GRIA1: variants seen among roughly 807,000 people sequenced by gnomAD.
GRIA1 encodes glutamate ionotropic receptor AMPA type subunit 1, also known as glutamate receptor 1.
GRIA1 carries 31 observed loss-of-function variants against 99.2 expected under a neutral mutation model. The observed-to-expected ratio is 0.31, with a 90% CI of 0.23 to 0.42. GRIA1 has a LOEUF of 0.42. Ranked by LOEUF, GRIA1 falls within the 10% of genes least tolerant of loss-of-function variation. The probability of loss-of-function intolerance (pLI) is 1.00; values close to 1 mark genes in which losing one functional copy is unlikely to be tolerated. For missense variants in GRIA1, 782 were observed against 1,157.5 expected, an observed-to-expected ratio of 0.68 and a Z score of 4.71; for synonymous variants, 438 against 432.4, an observed-to-expected ratio of 1.01 and a Z score of -0.16.
chr5:153,507,014 T>C (rs1001589997), intron 2 of GRIA1, among the ~76,000 whole-genome samples: 1 of 152,100 alleles, frequency 6.6e-6, no homozygotes, highest in Non-Finnish European at 1.5e-5. Context: ...TCTCAGCTAC[T>C]TGGGAGGCTG....
At chr5:153,709,285 T>C (rs1490095596) in intron 11 of GRIA1, among the ~76,000 whole-genome samples, 1 of 152,220 alleles carries the variant, frequency 6.6e-6, no homozygotes, top group African/African-American at 2.4e-5. Context: ...TCCTTCCAAA[T>C]GAGCTTCAAT....
upstream of GRIA1, chr5:153,489,832 C>CT (rs1345188826): frequency 2.2e-6 from 1 of 456,552 alleles, no homozygotes; most frequent in African/African-American, 2.0e-5. Flanking sequence ...CATGTAATTG[C>CT]TCTGTGTAAG....
intron 11 of GRIA1, among the ~76,000 whole-genome samples, chr5:153,762,821 A>G (rs1212053075): frequency 6.6e-6 from 1 of 152,202 alleles, no homozygotes; most frequent in Non-Finnish European, 1.5e-5. Flanking sequence ...TCAATGTTGC[A>G]CACCCTACCT....
At chr5:153,757,278 C>A (rs1470311046) in intron 11 of GRIA1, among the ~76,000 whole-genome samples, 1 of 151,772 alleles carries the variant, frequency 6.6e-6, no homozygotes, top group African/African-American at 2.4e-5. Context: ...TGAAATAGAA[C>A]AAAGAAAGCT....
chr5:153,680,152 G>T (rs750353643), intron 7 of GRIA1, among the ~76,000 whole-genome samples: 1 of 152,090 alleles, frequency 6.6e-6, no homozygotes, highest in East Asian at 1.9e-4. Context: ...TCAAGGGCAC[G>T]GCCAAACAGG....
chr5:153,792,333 T>A (rs1765350301), intron 13 of GRIA1, among the ~76,000 whole-genome samples: 1 of 152,222 alleles, frequency 6.6e-6, no homozygotes, highest in Non-Finnish European at 1.5e-5. Flanking sequence ...ATTATTTGCC[T>A]GAGTGGAACA....
intron 8 of GRIA1, 85 bp from the exon 9 acceptor site, chr5:153,697,959 C>CT (rs1758234050): frequency 1.6e-6 from 1 of 633,934 alleles, no homozygotes; most frequent in South Asian, 2.1e-5. Context: ...ACTTGCCTGT[C>CT]TCTGGTATTG....
Position 153,647,165 on chromosome 5 carries a change from G to A in GRIA1, c.458G>A (p.Arg153Gln), listed in dbSNP as rs770604772. ...QKFVYIYDAD[R>Q]GLSVLQKVLD... ...TTTGTCTACATTTATGATGCCGACC[G>A]GGGTAAGCCAAGGGTTAGGGGAGGG... The change falls in exon 3 of 16, where the codon CGG (arginine) becomes CAG (glutamine). Residue 153 changes from arginine to glutamine, a missense_variant and splice_region_variant. Arg to Gln is a conservative substitution (Grantham distance 43, BLOSUM62 1). Around this residue, in one of 5 missense-constraint regions of GRIA1, gnomAD observed 461 missense variants for 521.7 expected, o/e 0.88. Coordinates refer to ENST00000285900, the MANE Select transcript of GRIA1 (RefSeq NM_000827.4). 1.6e-5 allele frequency: 26 copies of A among 1,613,556 alleles called. No individual in the cohort carries two copies. Among genetic ancestry groups the A allele is most frequent in the Admixed American group, 5.0e-5 (3 of 59,958 alleles).
intron 15 of GRIA1, among the ~76,000 whole-genome samples, 190 bp from the exon 16 acceptor site, chr5:153,810,835 G>A (rs1295561942): frequency 6.6e-6 from 1 of 152,160 alleles, no homozygotes; most frequent in African/African-American, 2.4e-5. Context: ...CTAAGAGAGG[G>A]GATCAGACAT....
At position 153,546,606 on chromosome 5, in the gene GRIA1, G is replaced by A. The variant is rs754591561; in HGVS notation, c.220+52541G>A. On this transcript the variant is annotated intron_variant, in intron 2 of 15. Coordinates refer to ENST00000285900, the MANE Select transcript of GRIA1 (RefSeq NM_000827.4). ...GTCATGGGAAGCAGGTATGGGGAACGTCTTACAGATGAAGAAATTGAGAGT... is the reference window on the plus strand; with the variant it reads ...GTCATGGGAAGCAGGTATGGGGAACATCTTACAGATGAAGAAATTGAGAGT... Among the ~76,000 whole-genome samples the A allele has an allele frequency of 2.0e-5, 3 of 152,132 alleles. No homozygotes were observed. In the East Asian group the frequency reaches 5.8e-4, roughly 29 times the overall value.
intron 11 of GRIA1, among the ~76,000 whole-genome samples, chr5:153,720,420 G>A (rs1437726678): frequency 6.6e-6 from 1 of 152,158 alleles, no homozygotes; most frequent in Non-Finnish European, 1.5e-5. Flanking sequence ...AACCCTTCAA[G>A]AGATCTGAAC....
intron 2 of GRIA1, among the ~76,000 whole-genome samples, chr5:153,603,480 A>T (rs755480009): frequency 5.3e-5 from 8 of 152,092 alleles, no homozygotes; most frequent in African/African-American, 1.2e-4. Context: ...CTAGTTCTAG[A>T]TCCCTGAGGA....
intron 11 of GRIA1, among the ~76,000 whole-genome samples, chr5:153,756,177 C>T (rs1279814036): frequency 1.3e-5 from 2 of 152,232 alleles, no homozygotes; most frequent in Non-Finnish European, 2.9e-5. Context: ...CCTCACAGAC[C>T]AGGAATTGCC....
intron 12 of GRIA1, among the ~76,000 whole-genome samples, chr5:153,768,844 T>C (rs2149614939): frequency 1.3e-5 from 2 of 152,358 alleles, no homozygotes; most frequent in Middle Eastern, 6.8e-3. Context: ...GTCCGTTACA[T>C]GTATTTAACA....
chr5:153,752,470 A>G (rs1380357894), intron 11 of GRIA1, among the ~76,000 whole-genome samples: 1 of 152,224 alleles, frequency 6.6e-6, no homozygotes, highest in Non-Finnish European at 1.5e-5. Context: ...CAAGATGATG[A>G]TGATGGCTTA....
At chr5:153,795,518 C>T (rs1480933349) in intron 14 of GRIA1, 19 of 1,612,598 alleles carry the variant, frequency 1.2e-5, no homozygotes, top group Middle Eastern at 1.7e-4. Context: ...GTGAGCAAGG[C>T]GTCTTAGACA....
At chr5:153,582,209 G>A (rs564772536) in intron 2 of GRIA1, among the ~76,000 whole-genome samples, 1 of 152,354 alleles carries the variant, frequency 6.6e-6, no homozygotes, top group East Asian at 1.9e-4. Context: ...GACCAGAGAA[G>A]AGTAGACATC....
intron 2 of GRIA1, among the ~76,000 whole-genome samples, chr5:153,622,009 T>G (rs1767098485): frequency 6.6e-6 from 1 of 152,232 alleles, no homozygotes; most frequent in Admixed American, 6.5e-5. Context: ...ATGTGGCTTC[T>G]TCTCTAGCCA....
At chr5:153,561,810 G>T (rs1190383894) in intron 2 of GRIA1, among the ~76,000 whole-genome samples, 5 of 152,142 alleles carry the variant, frequency 3.3e-5, no homozygotes, top group Non-Finnish European at 5.9e-5. Flanking sequence ...TTCAAAGGAG[G>T]GGGCAATCAC....
Sources: allele counts gnomAD v4.1 joint callset (sites outside exome capture counted in the v4.1 genomes callset), GRCh38; gene constraint gnomAD v4.1.1; regional missense constraint gnomAD v4.1.1; transcripts MANE v1.5; gene names NCBI Gene and HGNC (gene_info 2026-07-23, HGNC 2026-07-21).